PVT1: variants seen among roughly 807,000 people sequenced by gnomAD.
PVT1 encodes the protein CXCR4/PVT1 fusion.
chr8:128,097,340 C>T (rs1286094377), intron 6 of PVT1, among the ~76,000 whole-genome samples: 6 of 151,920 alleles, frequency 3.9e-5, no homozygotes, highest in South Asian at 4.2e-4. Flanking sequence ...CCAGCCTGGG[C>T]GACAGAGTGA....
chr8:128,065,040 G>C (rs1158360352), intron 4 of PVT1, among the ~76,000 whole-genome samples: 1 of 152,118 alleles, frequency 6.6e-6, no homozygotes, highest in East Asian at 1.9e-4. Flanking sequence ...TTTACTATCA[G>C]AGAAACAGAG....
At chr8:128,092,302 G>A (rs1339159700) in intron 5 of PVT1, among the ~76,000 whole-genome samples, 1 of 152,150 alleles carries the variant, frequency 6.6e-6, no homozygotes, top group African/African-American at 2.4e-5. Flanking sequence ...TCAGACAGAT[G>A]GCTCAGGTGT....
intron 3 of PVT1, among the ~76,000 whole-genome samples, chr8:127,910,666 G>C (rs533749255): frequency 6.6e-6 from 1 of 152,248 alleles, no homozygotes; most frequent in Non-Finnish European, 1.5e-5. Context: ...TGGGCAGTGC[G>C]AATTTGGTCT....
At chr8:127,854,753 G>T (rs1815143850) in intron 2 of PVT1, 1 of 156,346 alleles carries the variant, frequency 6.4e-6, no homozygotes, top group African/African-American at 2.4e-5. Flanking sequence ...GTCCTGGCAG[G>T]GCCACAGGAA....
intron 3 of PVT1, among the ~76,000 whole-genome samples, chr8:127,966,744 A>G (rs1816706811): frequency 6.6e-6 from 1 of 152,238 alleles, no homozygotes; most frequent in Non-Finnish European, 1.5e-5. Flanking sequence ...TGGACAGCAT[A>G]TGTCAGCGCT....
chr8:127,979,414 G>C (rs1816859012), intron 3 of PVT1, among the ~76,000 whole-genome samples: 1 of 152,204 alleles, frequency 6.6e-6, no homozygotes, highest in African/African-American at 2.4e-5. Flanking sequence ...TTCTGGTCCT[G>C]GAACCTTCAT....
intron 3 of PVT1, among the ~76,000 whole-genome samples, chr8:127,974,414 A>G (rs1816800094): frequency 6.6e-6 from 1 of 151,936 alleles, no homozygotes; most frequent in Admixed American, 6.6e-5. Context: ...CATCATCATC[A>G]TTATTATTAA....
At chr8:127,815,959 A>G (rs1323875386) in intron 2 of PVT1, among the ~76,000 whole-genome samples, 1 of 152,174 alleles carries the variant, frequency 6.6e-6, no homozygotes, top group East Asian at 1.9e-4. Flanking sequence ...CCCCGTCTCT[A>G]CTAAAAATAC....
intron 2 of PVT1, among the ~76,000 whole-genome samples, chr8:127,845,081 G>T (rs988931153): frequency 2.0e-5 from 3 of 152,152 alleles, no homozygotes; most frequent in African/African-American, 7.2e-5. Flanking sequence ...TTTTATGTGT[G>T]GGGGGTGTTG....
chr8:127,840,045 G>A (rs953689116), intron 2 of PVT1, among the ~76,000 whole-genome samples: 1 of 152,220 alleles, frequency 6.6e-6, no homozygotes, highest in Non-Finnish European at 1.5e-5. Context: ...AGTCGGGAGG[G>A]AGGGGAACTA....
At chr8:128,092,475 A>G (rs1405209133) in intron 5 of PVT1, among the ~76,000 whole-genome samples, 2 of 152,246 alleles carry the variant, frequency 1.3e-5, no homozygotes, top group Non-Finnish European at 2.9e-5. Flanking sequence ...CACCCTGGCC[A>G]TTGGCCCCTG....
intron 4 of PVT1, among the ~76,000 whole-genome samples, chr8:128,055,738 C>G (rs1813754976): frequency 6.6e-6 from 1 of 152,202 alleles, no homozygotes; most frequent in African/African-American, 2.4e-5. Flanking sequence ...GCTGGGGTGA[C>G]TGGAGTGGCT....
chr8:127,939,381 G>C (rs1259781425), intron 3 of PVT1: 2 of 152,484 alleles, frequency 1.3e-5, no homozygotes, highest in Non-Finnish European at 2.9e-5. Flanking sequence ...CTGGAGAAAA[G>C]CCGCGTTAGG....
At position 127,953,051 on chromosome 8, in the gene PVT1, A is replaced by G. The variant is rs974589083; in HGVS notation, n.783-36111A>G. On this transcript the variant is annotated intron_variant and non_coding_transcript_variant, in intron 3 of 10. Transcript: ENST00000651587. ...AGTGCTGGGATTACAGGCGTGAGCC[A>G]CCGCGTCCGGCCCGTGCCTGCATTT... Among the ~76,000 whole-genome samples the G allele has an allele frequency of 4.6e-5, 7 of 152,154 alleles. 1 individual carries two copies. The highest frequency in any genetic ancestry group is 7.3e-5 in the Non-Finnish European group (5 of 68,030).
At chr8:127,860,318 T>C (rs2089862394) in intron 2 of PVT1, among the ~76,000 whole-genome samples, 1 of 152,170 alleles carries the variant, frequency 6.6e-6, no homozygotes, top group African/African-American at 2.4e-5. Context: ...AGAACCAAAG[T>C]CTTCTCGAAG....
intron 2 of PVT1, among the ~76,000 whole-genome samples, chr8:127,880,480 T>G (rs1815453176): frequency 6.7e-6 from 1 of 148,930 alleles, no homozygotes; most frequent in Non-Finnish European, 1.5e-5. Flanking sequence ...GTATTTTTAG[T>G]AGAGGTGGGG....
intron 3 of PVT1, among the ~76,000 whole-genome samples, chr8:127,941,645 A>G (rs1816351406): frequency 6.6e-6 from 1 of 152,140 alleles, no homozygotes; most frequent in African/African-American, 2.4e-5. Flanking sequence ...CCAGTTTGCT[A>G]TTGTTGGGCA....
At chr8:128,041,290 ATGTT>A (rs1230928524) in intron 4 of PVT1, among the ~76,000 whole-genome samples, 5 of 118,458 alleles carry the variant, frequency 4.2e-5, no homozygotes, top group African/African-American at 6.5e-5. Context: ...TTATGCTTGT[ATGTT>A]TGTGTTGTGC....
chr8:127,875,955 G>A (rs865898167), intron 2 of PVT1, among the ~76,000 whole-genome samples: 1 of 152,232 alleles, frequency 6.6e-6, no homozygotes, highest in Non-Finnish European at 1.5e-5. Context: ...TAAGTCCTCT[G>A]AAACAGGGTT....
Sources: allele counts gnomAD v4.1 joint callset (sites outside exome capture counted in the v4.1 genomes callset), GRCh38; gene constraint gnomAD v4.1.1; transcripts MANE v1.5; gene names NCBI Gene and HGNC (gene_info 2026-07-23, HGNC 2026-07-21).